LRRC4C: variants seen among roughly 807,000 people sequenced by gnomAD.
LRRC4C encodes leucine rich repeat containing 4C, also known as leucine-rich repeat-containing protein 4C.
Under a neutral mutation model 33.6 loss-of-function variants are expected in LRRC4C, and 5 were observed. The ratio of observed to expected loss-of-function variants is 0.15; its 90% CI spans 0.08 to 0.31. The LOEUF (loss-of-function observed/expected upper bound fraction) is 0.31. Among genes scored for constraint, LRRC4C ranks in the 10% least tolerant of loss-of-function variants. The pLI, the probability that LRRC4C is intolerant of heterozygous loss-of-function variation, is 1.00. For synonymous variants in LRRC4C, 329 were observed against 302.0 expected, an observed-to-expected ratio of 1.09 and a Z score of -0.93; for missense variants, 560 against 796.7, an observed-to-expected ratio of 0.70 and a Z score of 3.58.
intron 1 of LRRC4C, among the ~76,000 whole-genome samples, chr11:41,375,909 A>G (rs1952919822): frequency 6.6e-6 from 1 of 152,020 alleles, no homozygotes; most frequent in South Asian, 2.1e-4. Context: ...GAAATTTAGT[A>G]TGGCGTTCAC....
intron 3 of LRRC4C, among the ~76,000 whole-genome samples, chr11:40,473,153 A>T (rs1953027367): frequency 1.3e-5 from 2 of 152,198 alleles, no homozygotes; most frequent in South Asian, 4.1e-4. Context: ...GCAACAACAA[A>T]AAAGAATTTC....
At chr11:40,243,133 A>T (rs1441055323) in intron 4 of LRRC4C, among the ~76,000 whole-genome samples, 2 of 152,144 alleles carry the variant, frequency 1.3e-5, no homozygotes, top group Admixed American at 1.3e-4. Flanking sequence ...GAATAACAGG[A>T]CCTCTGGTCC....
chr11:40,596,473 T>G (rs1959312732), intron 3 of LRRC4C, among the ~76,000 whole-genome samples: 1 of 152,064 alleles, frequency 6.6e-6, no homozygotes, highest in Admixed American at 6.6e-5. Flanking sequence ...TTCTATTCTT[T>G]TAGTTATTTT....
At position 40,860,777 on chromosome 11, in the gene LRRC4C, C is replaced by CTTTTTT. The variant is rs60307580; in HGVS notation, c.-407+72852_-407+72857dup. On this transcript the variant is annotated intron_variant, in intron 2 of 6. Transcript: ENST00000528697. ...ATTCTGATGTTCCAGGGCTTAGGAT[C>CTTTTTT]TTTTTTTTTTTTTTTTTTTTTTTTT... 6.9e-5 allele frequency among the ~76,000 whole-genome samples: 3 copies of CTTTTTT among 43,226 alleles called. 1 individual carries two copies. Among genetic ancestry groups the CTTTTTT allele is most frequent in the African/African-American group, 2.7e-4 (3 of 11,188 alleles). 28.4% of individuals were successfully genotyped at this position (43,226 alleles called of 152,430 possible). A position where few individuals can be genotyped will look rare whatever the true frequency, so the allele number is the denominator to read the frequency against.
intron 3 of LRRC4C, among the ~76,000 whole-genome samples, chr11:40,640,750 C>G (rs1942057579): frequency 6.6e-6 from 1 of 152,090 alleles, no homozygotes; most frequent in South Asian, 2.1e-4. Flanking sequence ...CGCCATGGCT[C>G]ACGCCTGTAA....
At chr11:40,497,122 A>G (rs986225686) in intron 3 of LRRC4C, among the ~76,000 whole-genome samples, 4 of 152,054 alleles carry the variant, frequency 2.6e-5, no homozygotes, top group African/African-American at 9.7e-5. Context: ...GTCATGAGTT[A>G]TTGGTGGGCG....
At chr11:41,384,730 T>A (rs982302469) in intron 1 of LRRC4C, among the ~76,000 whole-genome samples, 10 of 150,952 alleles carry the variant, frequency 6.6e-5, no homozygotes, top group Non-Finnish European at 1.3e-4. Flanking sequence ...GCCCCTAGCC[T>A]TTTATTTGGA....
intron 3 of LRRC4C, among the ~76,000 whole-genome samples, chr11:40,616,661 C>CA (rs770728894): frequency 7.9e-5 from 12 of 151,560 alleles, no homozygotes; most frequent in Non-Finnish European, 1.3e-4. Context: ...ATCGCAAGGA[C>CA]AAAAAACCAA....
chr11:41,053,747 T>G lies in LRRC4C; in HGVS notation c.-495-120024A>C. The stretch of plus-strand genomic sequence containing the variant: ...ATATAGAACTCATGTTGAAGTAATT[T>G]AAAAATCATTGTTGAGATTATTTTA... On this transcript the variant is annotated intron_variant, in intron 1 of 6. Transcript: ENST00000528697. 1.3e-5 allele frequency among the ~76,000 whole-genome samples: 2 copies of G among 152,334 alleles called. 1 individual carries two copies. Among genetic ancestry groups the G allele is most frequent in the Middle Eastern group, 6.8e-3 (2 of 294 alleles).
intron 1 of LRRC4C, among the ~76,000 whole-genome samples, chr11:41,133,836 C>A (rs1943132474): frequency 1.3e-5 from 2 of 152,142 alleles, no homozygotes; most frequent in African/African-American, 2.4e-5. Context: ...GAACCATACT[C>A]CTTTAAACAA....
chr11:40,541,771 C>A (rs1591050720), intron 3 of LRRC4C, among the ~76,000 whole-genome samples: 1 of 152,090 alleles, frequency 6.6e-6, no homozygotes, highest in South Asian at 2.1e-4. Flanking sequence ...CACTGCCTAA[C>A]CTTGATGTTT....
intron 3 of LRRC4C, among the ~76,000 whole-genome samples, chr11:40,595,374 AGAG>A (rs1409687828): frequency 6.6e-6 from 1 of 152,136 alleles, no homozygotes; most frequent in Non-Finnish European, 1.5e-5. Flanking sequence ...TTGAACACTC[AGAG>A]GAGTGAGTCT....
intron 3 of LRRC4C, among the ~76,000 whole-genome samples, chr11:40,581,609 TAA>T (rs1209497935): frequency 5.9e-5 from 9 of 151,936 alleles, no homozygotes; most frequent in African/African-American, 2.2e-4. Context: ...GATGCTTAAA[TAA>T]AAAAAGAATA....
chr11:40,919,127 A>G (rs1957076063), intron 2 of LRRC4C, among the ~76,000 whole-genome samples: 1 of 152,172 alleles, frequency 6.6e-6, no homozygotes, highest in African/African-American at 2.4e-5. Flanking sequence ...GCCCACACAC[A>G]TGGAAAAGCA....
At position 41,342,587 on chromosome 11, in the gene LRRC4C, C is replaced by T. The variant is rs139843065; in HGVS notation, c.-496+116844G>A. 2.2e-4 allele frequency among the ~76,000 whole-genome samples: 34 copies of T among 152,040 alleles called. No homozygotes were observed. The South Asian group carries it at 6.6e-3, about 30-fold the overall frequency. On this transcript the variant is annotated intron_variant, in intron 1 of 6. Transcript: ENST00000528697. ...AACATTAGCCGGGTGTGGTGGTGTGCGCCTGTAATTCCAGATACTCAGGAG... is the reference window on the plus strand; with the variant it reads ...AACATTAGCCGGGTGTGGTGGTGTGTGCCTGTAATTCCAGATACTCAGGAG...
chr11:40,934,109 A>T (rs1475991446), intron 1 of LRRC4C, among the ~76,000 whole-genome samples: 1 of 152,206 alleles, frequency 6.6e-6, no homozygotes, highest in East Asian at 1.9e-4. Flanking sequence ...TTGTTTAAAC[A>T]TACTGTGCCT....
At chr11:40,995,235 G>A (rs1415386864) in intron 1 of LRRC4C, among the ~76,000 whole-genome samples, 1 of 152,006 alleles carries the variant, frequency 6.6e-6, no homozygotes, top group Admixed American at 6.6e-5. Context: ...AAACCATGAT[G>A]CATTGTCTGG....
chr11:41,149,375 C>T (rs1249212634), intron 1 of LRRC4C, among the ~76,000 whole-genome samples: 3 of 151,710 alleles, frequency 2.0e-5, no homozygotes, highest in South Asian at 2.1e-4. Context: ...GGCGCAGTGG[C>T]GGGCGCCTGT....
intron 2 of LRRC4C, among the ~76,000 whole-genome samples, chr11:40,912,663 A>G (rs1281112619): frequency 6.6e-6 from 1 of 152,182 alleles, no homozygotes; most frequent in Non-Finnish European, 1.5e-5. Flanking sequence ...ACCAGCTAAC[A>G]TCATAATGAC....
Sources: gnomAD v4.1 joint callset for allele counts (sites outside exome capture counted in the v4.1 genomes callset) on GRCh38, gnomAD v4.1.1 for gene constraint, MANE v1.5 for transcripts, NCBI Gene and HGNC (gene_info 2026-07-23, HGNC 2026-07-21) for gene names.